The following SLC25A46 variants were observed in gnomAD, a reference collection of about 807,000 sequenced individuals.
SLC25A46 encodes mitochondrial outer membrane protein SLC25A46.
A neutral mutation model predicts 44.6 loss-of-function variants in SLC25A46; 39 were observed. The ratio of observed to expected loss-of-function variants is 0.87; its 90% CI spans 0.68 to 1.14. SLC25A46 has a LOEUF of 1.14. Ranked by LOEUF, SLC25A46 falls within the 50% of genes most tolerant of loss-of-function variation. The pLI, the probability that SLC25A46 is intolerant of heterozygous loss-of-function variation, is 0.00. For missense variants in SLC25A46, 547 were observed against 522.7 expected (o/e 1.05, Z -0.45); for synonymous variants, 202 against 185.8 (o/e 1.09, Z -0.71).
chr5:110,741,940 A>G, intron 1 of SLC25A46, 107 bp from the exon 2 acceptor site: 1 of 718,936 alleles, frequency 1.4e-6, no homozygotes, highest in Non-Finnish European at 2.3e-6. Flanking sequence ...AATGAACAGC[A>G]GGTTAATAAA....
upstream of SLC25A46, chr5:110,738,259 C>G (rs1217379670): frequency 1.6e-6 from 2 of 1,285,856 alleles, no homozygotes; most frequent in Non-Finnish European, 2.0e-6. Flanking sequence ...TAGTAGGGGA[C>G]GCTCTACAGT....
chr5:110,759,846 C>G (rs1800205114), intron 7 of SLC25A46, among the ~76,000 whole-genome samples: 1 of 151,994 alleles, frequency 6.6e-6, no homozygotes, highest in African/African-American at 2.4e-5. Context: ...GATTAGAAGG[C>G]TAGGCAAGCT....
At chr5:110,755,582 C>A in intron 6 of SLC25A46, 61 bp downstream of exon 6, 1 of 1,045,336 alleles carries the variant, frequency 9.6e-7, no homozygotes, top group Non-Finnish European at 1.4e-6. Context: ...AGTATTAGAA[C>A]TGGAAACAAA....
In SLC25A46 at chr5:110,739,362, T is replaced by G; in HGVS notation, c.243T>G (p.Phe81Leu). 1 of 1,559,498 alleles carries G rather than the reference T, an allele frequency of 6.4e-7. No homozygotes were observed. Among genetic ancestry groups the G allele is most frequent in the South Asian group, 1.2e-5 (1 of 85,240 alleles). ...TPYEGPTEEP[F>L]SSGGGGSVQG... ...ACGAAGGCCCCACGGAGGAACCCTT[T>G]TCCAGTGGCGGCGGCGGCAGTGTGC... Residue 81 changes from phenylalanine to leucine, a missense_variant, in exon 1 of 8, where the codon TTT becomes TTG. Phe to Leu is a conservative substitution (Grantham distance 22). Transcript: ENST00000355943.
chr5:110,741,973 G>T, intron 1 of SLC25A46, 74 bp from the exon 2 acceptor site: 2 of 1,041,590 alleles, frequency 1.9e-6, no homozygotes, highest in East Asian at 2.7e-5. Context: ...AAATTGTTTT[G>T]AGACTAAACC....
chr5:110,764,841 T>G lies in SLC25A46; in HGVS notation c.*3059T>G, dbSNP rs184410279. 6.6e-6 allele frequency: 1 copy of G among 151,990 alleles called. No individual in the cohort carries two copies. Among genetic ancestry groups the G allele is most frequent in the African/African-American group, 2.4e-5 (1 of 41,436 alleles). The allele number at this position is 151,990 out of a possible 1,614,324, so 9.4% of individuals were successfully genotyped here. On this transcript the variant is annotated 3_prime_UTR_variant, in exon 8 of 8. Coordinates refer to ENST00000355943, the MANE Select transcript of SLC25A46 (RefSeq NM_138773.4). Reference sequence around the variant, plus strand: ...AGCAAATAAGATCTCTTGGTAACAATTGACATTGCACTAGAATTTGAATGA... The same window carrying G: ...AGCAAATAAGATCTCTTGGTAACAAGTGACATTGCACTAGAATTTGAATGA...
chr5:110,738,451 T>C (rs968196965), upstream of SLC25A46, among the ~76,000 whole-genome samples: 3 of 152,074 alleles, frequency 2.0e-5, no homozygotes, highest in Non-Finnish European at 2.9e-5. Context: ...AGTACGTGGG[T>C]TTCTTTCACC....
At chr5:110,738,953 C>T, upstream of SLC25A46, 1 of 1,440,474 alleles carries the variant, frequency 6.9e-7, no homozygotes, top group Non-Finnish European at 9.1e-7. Context: ...CCGGAAGAGG[C>T]TATAATCACG....
At chr5:110,740,907 G>A (rs963986452) in intron 1 of SLC25A46, among the ~76,000 whole-genome samples, 2 of 152,154 alleles carry the variant, frequency 1.3e-5, no homozygotes, top group African/African-American at 4.8e-5. Flanking sequence ...AGCCGAGATC[G>A]CGTCACTGCA....
chr5:110,762,311 T>G lies in SLC25A46; in HGVS notation c.*529T>G, dbSNP rs372778398. The G allele has an allele frequency of 6.5e-6, 1 of 153,192 alleles. No individual in the cohort carries two copies. Among genetic ancestry groups the G allele is most frequent in the African/African-American group, 2.4e-5 (1 of 41,408 alleles). The allele number at this position is 153,192 out of a possible 1,614,324, so 9.5% of individuals were successfully genotyped here. ...AATCTGTAAGCAGGAGTATAAATGT[T>G]TTAAATTGCATTGTCCCTATGTAAC... On this transcript the variant is annotated 3_prime_UTR_variant, in exon 8 of 8. Transcript: ENST00000355943.
intron 2 of SLC25A46, among the ~76,000 whole-genome samples, chr5:110,743,439 G>A (rs1799738652): frequency 6.6e-6 from 1 of 152,018 alleles, no homozygotes; most frequent in East Asian, 1.9e-4. Context: ...AACATTCAGA[G>A]ATCTAGTTTC....
chr5:110,743,095 C>T (rs1037056035), intron 2 of SLC25A46, among the ~76,000 whole-genome samples: 6 of 151,448 alleles, frequency 4.0e-5, no homozygotes, highest in African/African-American at 7.3e-5. Context: ...ACTATTATTA[C>T]ATATAAATAT....
At chr5:110,738,985 T>G (rs1799509738), upstream of SLC25A46, 1 of 1,458,224 alleles carries the variant, frequency 6.9e-7, no homozygotes, top group African/African-American at 1.4e-5. Flanking sequence ...CTTCCGGGTT[T>G]CCAACGTGAC....
In SLC25A46 at chr5:110,739,366, A is replaced by G. The variant is rs892374338; in HGVS notation, c.247A>G (p.Ser83Gly). 2.6e-6 allele frequency: 4 copies of G among 1,554,996 alleles called. No individual in the cohort carries two copies. Among genetic ancestry groups the G allele is most frequent in the African/African-American group, 1.4e-5 (1 of 73,828 alleles). ...YEGPTEEPFS[S>G]GGGGSVQGQS... ...AGGCCCCACGGAGGAACCCTTTTCC[A>G]GTGGCGGCGGCGGCAGTGTGCAGGG... is the stretch of plus-strand genomic sequence containing the variant. Residue 83 changes from serine to glycine, a missense_variant, in exon 1 of 8, where the codon AGT (serine) becomes GGT (glycine). Ser to Gly is a moderately conservative substitution (Grantham distance 56). Transcript: ENST00000355943.
At chr5:110,740,140 A>T (rs1799613607) in intron 1 of SLC25A46, among the ~76,000 whole-genome samples, 1 of 152,234 alleles carries the variant, frequency 6.6e-6, no homozygotes, top group Admixed American at 6.5e-5. Flanking sequence ...ATGGGATGTC[A>T]GAAAAGCTGC....
In SLC25A46 at chr5:110,739,056, A is replaced by T. The variant is rs1241377089; in HGVS notation, c.-64A>T. 4 of 1,519,258 alleles carry T rather than the reference A, an allele frequency of 2.6e-6. No homozygotes were observed. The highest frequency in any genetic ancestry group is 3.5e-6 in the Non-Finnish European group (4 of 1,140,268). The allele number at this position is 1,519,258 out of a possible 1,614,324, so 94.1% of individuals were successfully genotyped here. On this transcript the variant is annotated 5_prime_UTR_variant, in exon 1 of 8. Transcript: ENST00000355943. ...GGCCGACGGGAAGCTGTGTGTGCTT[A>T]GGTCGTGGTGGCCCCGGTGGTGGTG...
At chr5:110,757,017 G>GA (rs1368281655) in intron 7 of SLC25A46, 1 of 299,520 alleles carries the variant, frequency 3.3e-6, no homozygotes, top group East Asian at 5.4e-5. Flanking sequence ...TCAGAACACA[G>GA]CCTATAACTT....
At chr5:110,745,724 T>G (rs1362497666) in intron 3 of SLC25A46, 1 of 152,494 alleles carries the variant, frequency 6.6e-6, no homozygotes, top group Non-Finnish European at 1.5e-5. Context: ...AACAGTGTAT[T>G]TCAGATATAT....
chr5:110,760,228 T>C (rs1456132606), intron 7 of SLC25A46, among the ~76,000 whole-genome samples: 1 of 152,112 alleles, frequency 6.6e-6, no homozygotes, highest in Non-Finnish European at 1.5e-5. Flanking sequence ...AATTCACCAG[T>C]AATTCCCATA....
Sources: gnomAD v4.1 joint callset for allele counts (sites outside exome capture counted in the v4.1 genomes callset) on GRCh38, gnomAD v4.1.1 for gene constraint, MANE v1.5 for transcripts, NCBI Gene and HGNC (gene_info 2026-07-23, HGNC 2026-07-21) for gene names.